Variants in UTP6 observed in about 807,000 individuals in gnomAD.
UTP6 encodes the protein UTP6 small subunit processome component, also known as U3 small nucleolar RNA-associated protein 6 homolog.
A neutral mutation model predicts 96.5 loss-of-function variants in UTP6; 60 were observed. That is an observed-to-expected ratio of 0.62 (90% CI 0.51 to 0.77). The LOEUF (loss-of-function observed/expected upper bound fraction) is 0.77, where lower values mean the gene tolerates loss of function less well. UTP6 is among the 30% of genes least tolerant of loss of function. The pLI is 0.00. For synonymous variants in UTP6, 215 were observed against 240.1 expected (o/e 0.90, Z 0.96); for missense variants, 637 against 706.5 (o/e 0.90, Z 1.12).
At chr17:31,893,726 T>TC (rs1243234722) in intron 4 of UTP6, among the ~76,000 whole-genome samples, 2 of 55,746 alleles carry the variant, frequency 3.6e-5, no homozygotes, top group African/African-American at 1.4e-4. Context: ...CAAAACTCCA[T>TC]CCCCCACCAA....
In UTP6 at chr17:31,885,976, C is replaced by T; in HGVS notation, c.703+4G>A. The T allele has an allele frequency of 6.2e-7, 1 of 1,609,652 alleles. No individual in the cohort carries two copies. The highest frequency in any genetic ancestry group is 1.3e-5 in the African/African-American group (1 of 74,842). On this transcript the variant is annotated splice_donor_region_variant and intron_variant, in intron 9 of 18. Transcript: ENST00000261708. ...ACCAAAAATAATGTTCAAAAGATAC[C>T]TACCTTTAATTATGCTTACAGAATT...
chr17:31,893,211 C>T (rs1414567789), intron 4 of UTP6, among the ~76,000 whole-genome samples: 1 of 151,936 alleles, frequency 6.6e-6, no homozygotes, highest in Non-Finnish European at 1.5e-5. Flanking sequence ...AGGCCGAGAT[C>T]GGGCCACTGC....
intron 9 of UTP6, among the ~76,000 whole-genome samples, chr17:31,885,426 T>G (rs931203884): frequency 9.3e-5 from 14 of 150,270 alleles, no homozygotes; most frequent in Non-Finnish European, 1.6e-4. Flanking sequence ...ATTACAGGCA[T>G]GAGCCACCAT....
At chr17:31,868,541 G>A (rs1909973642) in intron 16 of UTP6, among the ~76,000 whole-genome samples, 1 of 151,486 alleles carries the variant, frequency 6.6e-6, no homozygotes, top group Non-Finnish European at 1.5e-5. Flanking sequence ...AGGTTTCTCA[G>A]GCTAGTCTCA....
At position 31,884,444 on chromosome 17, in the gene UTP6, TAG is replaced by T; in HGVS notation, c.763_764del (p.Leu255ThrfsTer6). On this transcript the variant is annotated frameshift_variant, in exon 10 of 19. Transcript: ENST00000261708. LOFTEE classifies it high-confidence loss of function. ...IAQLFDFAKD[L>X]QKEIYDDLQA... ...CTTACTCATCATAAATCTCTTTTTGTAGATCTTTGGCAAAGTCAAATAGCTGT... is the reference window on the plus strand; with the variant it reads ...CTTACTCATCATAAATCTCTTTTTGTATCTTTGGCAAAGTCAAATAGCTGT... 6.2e-7 allele frequency: 1 copy of T among 1,612,024 alleles called. No individual in the cohort carries two copies. Among genetic ancestry groups the T allele is most frequent in the East Asian group, 2.2e-5 (1 of 44,822 alleles).
Position 31,863,496 on chromosome 17 carries a change from T to C in UTP6, c.1657A>G (p.Lys553Glu), listed in dbSNP as rs777500047. 6.2e-7 allele frequency: 1 copy of C among 1,610,108 alleles called. No individual in the cohort carries two copies. The highest frequency in any genetic ancestry group is 1.3e-5 in the African/African-American group (1 of 74,678). The change falls in exon 19 of 19, where the codon AAA becomes GAA. Residue 553 changes from lysine (K) to glutamate (E), a missense_variant. By Grantham distance (56) the Lys-to-Glu change is moderately conservative. Coordinates refer to ENST00000261708, the MANE Select transcript of UTP6 (RefSeq NM_018428.3). ...ADSDLWMDYM[K>E]EELNHPLGRP... ...CCAAGGGGGTGGTTCAATTCTTCTTTCATATAATCCATCCAAAGATCTTTT... is the reference window on the plus strand; with the variant it reads ...CCAAGGGGGTGGTTCAATTCTTCTTCCATATAATCCATCCAAAGATCTTTT...
Position 31,865,453 on chromosome 17 carries a change from C to T in UTP6, c.1564-15G>A, listed in dbSNP as rs1028615079. ...TTGCAGGATTCCTGACAAAGATAGA[C>T]AATCTTGTCTCAAAAGCCTGATTTA... On this transcript the variant is annotated splice_polypyrimidine_tract_variant and intron_variant, in intron 17 of 18. Transcript: ENST00000261708. 6.8e-6 allele frequency: 11 copies of T among 1,611,598 alleles called. No homozygotes were observed. Among genetic ancestry groups the T allele is most frequent in the Middle Eastern group, 1.6e-4 (1 of 6,076 alleles).
intron 2 of UTP6, among the ~76,000 whole-genome samples, chr17:31,895,484 C>T (rs1904579533): frequency 6.6e-6 from 1 of 152,124 alleles, no homozygotes; most frequent in African/African-American, 2.4e-5. Flanking sequence ...TCTTGAATGC[C>T]TTTAAATTTT....
rs1415542032 is a variant in UTP6 at position 31,878,283 on chromosome 17, C to T, written c.1092G>A (p.Leu364=). 1 of 1,614,196 alleles carries T rather than the reference C, an allele frequency of 6.2e-7. No individual in the cohort carries two copies. The highest frequency in any genetic ancestry group is 8.5e-7 in the Non-Finnish European group (1 of 1,180,036). ...TGTATTGGCATTCTGACAGAAGCTT[C>T]AGTTCATGTGCCTTCCTGAATACAG... is the stretch of plus-strand genomic sequence containing the variant. The part of the protein sequence containing the change: ...TMTVFRKAHE[L]KLLSECQYKQ... The change falls in exon 13 of 19, where the codon CTG becomes CTA. Residue 364 remains leucine (L), a synonymous_variant. Transcript: ENST00000261708.
chr17:31,878,326 C>G lies in UTP6; in HGVS notation c.1049G>C (p.Arg350Thr). 6.2e-7 allele frequency: 1 copy of G among 1,614,124 alleles called. No individual in the cohort carries two copies. Among genetic ancestry groups the G allele is most frequent in the African/African-American group, 1.3e-5 (1 of 75,046 alleles). ...GAATACAGTCATGGTTCTTTCCAAC[C>G]TCTGAAAACAGAAAAATCCCTCAGT... is the stretch of plus-strand genomic sequence containing the variant. Reference protein sequence around the residue: ...KSNSGFLRGKRLERTMTVFRK... With the variant: ...KSNSGFLRGKTLERTMTVFRK... Residue 350 changes from arginine (R) to threonine (T), a missense_variant and splice_region_variant, in exon 13 of 19, where the codon AGG becomes ACG. Transcript: ENST00000261708.
At chr17:31,870,444 G>A (rs1289807003) in intron 16 of UTP6, among the ~76,000 whole-genome samples, 1 of 151,304 alleles carries the variant, frequency 6.6e-6, no homozygotes, top group Admixed American at 6.6e-5. Context: ...CATGTATGCT[G>A]GCTGCCTTCA....
In UTP6 at chr17:31,894,988, C is replaced by A; in HGVS notation, c.201G>T (p.Leu67=). The change falls in exon 3 of 19, where the codon CTG becomes CTT. Residue 67 remains leucine, a synonymous_variant. Coordinates refer to ENST00000261708, the MANE Select transcript of UTP6 (RefSeq NM_018428.3). The part of the protein sequence containing the change: ...YVQYEINLLE[L]IQRRRTRIGY... Reference sequence around the variant, plus strand: ...TACTTACTGTTCTTCTTCTCTGGATCAGCTCCAAAAGATTAATTTCATACT... The same window carrying A: ...TACTTACTGTTCTTCTTCTCTGGATAAGCTCCAAAAGATTAATTTCATACT... 7 of 1,553,054 alleles carry A rather than the reference C, an allele frequency of 4.5e-6. No individual in the cohort carries two copies. Among genetic ancestry groups the A allele is most frequent in the South Asian group, 1.2e-5 (1 of 83,934 alleles).
intron 13 of UTP6, among the ~76,000 whole-genome samples, chr17:31,876,382 C>T (rs1414620860): frequency 1.3e-5 from 2 of 149,922 alleles, no homozygotes; most frequent in African/African-American, 2.4e-5. Context: ...TGGTGGCTCA[C>T]GCCTGTAATC....
At chr17:31,895,062 T>C in intron 2 of UTP6, 51 bp from the exon 3 acceptor site, 1 of 1,346,238 alleles carries the variant, frequency 7.4e-7, no homozygotes, top group Non-Finnish European at 1.0e-6. Context: ...ATCTAAAACC[T>C]TTTAAATACT....
rs1380308157 is a variant in UTP6 at position 31,889,283 on chromosome 17, A to C, written c.543+2T>G. 1 of 1,608,470 alleles carries C rather than the reference A, an allele frequency of 6.2e-7. No homozygotes were observed. Among genetic ancestry groups the C allele is most frequent in the South Asian group, 1.1e-5 (1 of 90,926 alleles). Reference sequence around the variant, plus strand: ...TCTCATCCTATGTGCATACACACTCACTTCTTTATAAAGTTTTGGGCACTC... The same window carrying C: ...TCTCATCCTATGTGCATACACACTCCCTTCTTTATAAAGTTTTGGGCACTC... On this transcript the variant is annotated splice_donor_variant, in intron 7 of 18. Transcript: ENST00000261708. LOFTEE classifies it high-confidence loss of function.
At position 31,901,681 on chromosome 17, in the gene UTP6, G is replaced by C. The variant is rs1904991925; in HGVS notation, c.-54C>G. 1.0e-5 allele frequency: 16 copies of C among 1,568,352 alleles called. No homozygotes were observed. In the East Asian group the frequency reaches 1.6e-4, roughly 15 times the overall value. ...AGCTTCTCAACAGCGAACACGAGCA[G>C]GAAGCTCCCGGTTTCAGGTTCGGAG... On this transcript the variant is annotated 5_prime_UTR_variant, in exon 1 of 19. Transcript: ENST00000261708.
chr17:31,864,937 G>A (rs927069110), intron 18 of UTP6, among the ~76,000 whole-genome samples: 3 of 152,132 alleles, frequency 2.0e-5, no homozygotes, highest in African/African-American at 4.8e-5. Context: ...CAAAGCAAGT[G>A]AGGAGGCAGA....
chr17:31,866,315 G>A (rs1026820079), intron 17 of UTP6, among the ~76,000 whole-genome samples: 1 of 150,010 alleles, frequency 6.7e-6, no homozygotes, highest in African/African-American at 2.5e-5. Context: ...AAGTATTCTT[G>A]CCGGGTGCAG....
intron 17 of UTP6, 64 bp from the exon 18 acceptor site, chr17:31,865,502 C>A: frequency 1.3e-6 from 2 of 1,504,748 alleles, no homozygotes; most frequent in South Asian, 2.3e-5. Flanking sequence ...TCATTCCAAC[C>A]ATATTGTTAA....
Sources: allele counts gnomAD v4.1 joint callset (sites outside exome capture counted in the v4.1 genomes callset), GRCh38; gene constraint gnomAD v4.1.1; transcripts MANE v1.5; gene names NCBI Gene and HGNC (gene_info 2026-07-23, HGNC 2026-07-21).